The following FOXP1 variants were observed in gnomAD, a reference collection of about 807,000 sequenced individuals.
FOXP1 encodes the protein forkhead box P1, also known as forkhead box protein P1.
A neutral mutation model predicts 98.2 loss-of-function variants in FOXP1; 15 were observed. The ratio of observed to expected loss-of-function variants is 0.15; its 90% CI spans 0.10 to 0.24. The LOEUF (loss-of-function observed/expected upper bound fraction) is 0.24, where lower values mean the gene tolerates loss of function less well. Among genes scored for constraint, FOXP1 ranks in the 10% least tolerant of loss-of-function variants. The probability of loss-of-function intolerance (pLI) is 1.00; values close to 1 mark genes in which losing one functional copy is unlikely to be tolerated. For missense variants in FOXP1, 633 were observed against 848.5 expected (o/e 0.75, Z 3.15); for synonymous variants, 371 against 314.5 (o/e 1.18, Z -1.90).
At chr3:71,048,922 T>A (rs1460047737) in intron 9 of FOXP1, among the ~76,000 whole-genome samples, 2 of 152,064 alleles carry the variant, frequency 1.3e-5, no homozygotes, top group African/African-American at 2.4e-5. Context: ...TCTGTGGCCA[T>A]CCCTAGGAAA....
intron 3 of FOXP1, among the ~76,000 whole-genome samples, chr3:71,408,434 G>A (rs183867200): frequency 2.0e-5 from 3 of 152,224 alleles, no homozygotes; most frequent in Non-Finnish European, 2.9e-5. Context: ...GTTACCATGC[G>A]CACATTCACG....
At chr3:71,278,592 C>A (rs1335317617) in intron 5 of FOXP1, among the ~76,000 whole-genome samples, 2 of 152,030 alleles carry the variant, frequency 1.3e-5, no homozygotes, top group Non-Finnish European at 1.5e-5. Context: ...ACCAGCCTGA[C>A]AAACATGGTG....
chr3:71,504,333 A>G (rs1355542015), intron 2 of FOXP1, among the ~76,000 whole-genome samples: 1 of 152,190 alleles, frequency 6.6e-6, no homozygotes, highest in Non-Finnish European at 1.5e-5. Flanking sequence ...GACGTTGGCC[A>G]GTGACTAGTC....
intron 2 of FOXP1, among the ~76,000 whole-genome samples, chr3:71,511,847 A>T (rs886335287): frequency 2.4e-4 from 35 of 148,474 alleles, no homozygotes; most frequent in African/African-American, 8.7e-4. Flanking sequence ...CCATGCATGT[A>T]TATATAGATG....
intron 5 of FOXP1, among the ~76,000 whole-genome samples, chr3:71,293,025 C>T (rs2072922722): frequency 6.6e-6 from 1 of 152,164 alleles, no homozygotes; most frequent in Admixed American, 6.5e-5. Context: ...CATCAGTACA[C>T]TATTTGTTTC....
intron 5 of FOXP1, among the ~76,000 whole-genome samples, chr3:71,275,882 C>G (rs1357345120): frequency 6.6e-6 from 1 of 152,060 alleles, no homozygotes; most frequent in African/African-American, 2.4e-5. Flanking sequence ...CCGTCCTTTC[C>G]TACCTTTAAC....
intron 3 of FOXP1, among the ~76,000 whole-genome samples, chr3:71,474,640 G>T (rs1428286422): frequency 1.3e-5 from 2 of 152,008 alleles, no homozygotes; most frequent in Non-Finnish European, 2.9e-5. Context: ...AACTGCACAT[G>T]TGAGGGATCA....
intron 3 of FOXP1, among the ~76,000 whole-genome samples, chr3:71,442,235 C>T (rs891480171): frequency 1.5e-4 from 23 of 152,154 alleles, no homozygotes; most frequent in Admixed American, 5.9e-4. Flanking sequence ...TGACATTGTA[C>T]GCATACTTCT....
At chr3:71,535,184 T>C (rs1488318646) in intron 2 of FOXP1, among the ~76,000 whole-genome samples, 1 of 152,204 alleles carries the variant, frequency 6.6e-6, no homozygotes, top group African/African-American at 2.4e-5. Context: ...ACCAGGTGCA[T>C]CTGGCCCTGC....
rs759521321 is a variant in FOXP1, at chr3:70,976,955, C to T, written c.1516G>A (p.Ala506Thr). 15 of 1,613,398 alleles carry T rather than the reference C, an allele frequency of 9.3e-6. No homozygotes were observed. The highest frequency in any genetic ancestry group is 1.3e-5 in the African/African-American group (1 of 74,918). The change falls in exon 17 of 21, where the codon GCG becomes ACG. Residue 506 changes from alanine to threonine, a missense_variant. By Grantham distance (58) the Ala-to-Thr change is moderately conservative (BLOSUM62 0). Around this residue, in one of 6 missense-constraint regions of FOXP1, gnomAD observed 141 missense variants for 199.5 expected, o/e 0.71. Coordinates refer to ENST00000649528, the MANE Select transcript of FOXP1 (RefSeq NM_001349338.3). ...TRMFAYFRRN[A>T]ATWKNAVRHN... ...AGAAAGCTTACCTTCCACGTGGCCG[C>T]GTTGCGTCGGAAGTAAGCAAACATT... is the stretch of plus-strand genomic sequence containing the variant.
rs914968224 is a variant in FOXP1, at chr3:71,133,577, AT to A, written c.181-20941del. Among the ~76,000 whole-genome samples the A allele has an allele frequency of 5.3e-5, 8 of 152,324 alleles. No individual in the cohort carries two copies. In the East Asian group the frequency reaches 1.5e-3, roughly 29 times the overall value. ...TTGTAGAGACCAAGAACAACACGGA[AT>A]GTTTACACAGTGGTTTGATTTTAAT... On this transcript the variant is annotated intron_variant, in intron 6 of 20. Transcript: ENST00000649528.
intron 5 of FOXP1, among the ~76,000 whole-genome samples, chr3:71,284,824 T>C (rs1460665632): frequency 2.6e-5 from 4 of 152,052 alleles, no homozygotes; most frequent in Non-Finnish European, 4.4e-5. Context: ...TTGTCAACTA[T>C]ATGTACATTC....
At chr3:71,077,585 G>A (rs2053929776) in intron 7 of FOXP1, among the ~76,000 whole-genome samples, 1 of 152,110 alleles carries the variant, frequency 6.6e-6, no homozygotes, top group Admixed American at 6.6e-5. Flanking sequence ...AATTTGGGGT[G>A]TTCCCACTTC....
At chr3:71,012,986 A>AT (rs1294161117) in intron 12 of FOXP1, among the ~76,000 whole-genome samples, 11 of 152,218 alleles carry the variant, frequency 7.2e-5, no homozygotes, top group African/African-American at 2.7e-4. Context: ...ATTCAGTGAT[A>AT]TTATGAATAT....
intron 3 of FOXP1, among the ~76,000 whole-genome samples, chr3:71,423,351 C>T (rs1310644613): frequency 6.6e-6 from 1 of 152,194 alleles, no homozygotes; most frequent in Non-Finnish European, 1.5e-5. Flanking sequence ...CTCCCAAGAC[C>T]AACCCAGCCA....
intron 11 of FOXP1, among the ~76,000 whole-genome samples, chr3:71,028,635 C>T (rs771816734): frequency 2.0e-5 from 3 of 152,194 alleles, no homozygotes; most frequent in Non-Finnish European, 4.4e-5. Context: ...ACAATTTTTC[C>T]AGGAACTGGG....
chr3:71,343,549 A>G (rs899558799), intron 4 of FOXP1, among the ~76,000 whole-genome samples: 2 of 120,134 alleles, frequency 1.7e-5, no homozygotes, highest in African/African-American at 5.9e-5. Flanking sequence ...TTAAATCTCA[A>G]TTAGATTTTT....
intron 6 of FOXP1, among the ~76,000 whole-genome samples, chr3:71,131,997 G>C (rs566353958): frequency 4.0e-4 from 61 of 152,264 alleles, no homozygotes; most frequent in Non-Finnish European, 7.6e-4. Flanking sequence ...CAATGCAAAT[G>C]TTCCTCTCTA....
intron 3 of FOXP1, among the ~76,000 whole-genome samples, chr3:71,418,550 G>C (rs940049089): frequency 6.6e-6 from 1 of 152,132 alleles, no homozygotes; most frequent in African/African-American, 2.4e-5. Flanking sequence ...TAATTATTCT[G>C]AAGTGTTAAA....
Sources: gnomAD v4.1 joint callset for allele counts (sites outside exome capture counted in the v4.1 genomes callset) on GRCh38, gnomAD v4.1.1 for gene constraint, gnomAD v4.1.1 regional missense constraint, MANE v1.5 for transcripts, NCBI Gene and HGNC (gene_info 2026-07-23, HGNC 2026-07-21) for gene names.